Variants in ECI1 observed in about 807,000 individuals in gnomAD.
The protein encoded by ECI1 is enoyl-CoA delta isomerase 1, mitochondrial.
In ECI1, 34 loss-of-function variants were observed where a neutral mutation model predicts 34.2. The observed-to-expected ratio is 1.00, with a 90% CI of 0.76 to 1.33. ECI1 has a LOEUF of 1.33. ECI1 is among the 40% of genes most tolerant of loss of function. The probability of loss-of-function intolerance (pLI) is 0.00; values close to 1 mark genes in which losing one functional copy is unlikely to be tolerated. For missense variants in ECI1, 456 were observed against 422.2 expected (o/e 1.08, Z -0.70); for synonymous variants, 211 against 193.0 (o/e 1.09, Z -0.77).
intron 6 of ECI1, among the ~76,000 whole-genome samples, chr16:2,242,104 C>T (rs187592754): frequency 4.6e-5 from 7 of 152,226 alleles, no homozygotes; most frequent in African/African-American, 7.2e-5. Context: ...GTGATCCGCC[C>T]GCCTCGGCCT....
chr16:2,240,581 T>C (rs115181768), intron 6 of ECI1: 2,595 of 219,234 alleles, frequency 0.012, 67 homozygotes, highest in African/African-American at 0.055. Flanking sequence ...TGGAGTGCAC[T>C]AGTGATCACG....
At chr16:2,247,992 GC>G (rs2093544189) in intron 2 of ECI1, among the ~76,000 whole-genome samples, 1 of 152,084 alleles carries the variant, frequency 6.6e-6, no homozygotes, top group Admixed American at 6.6e-5. Flanking sequence ...ACAGGAGTGA[GC>G]CCTTGGTTTT....
At chr16:2,246,017 A>G (rs1339187169) in intron 3 of ECI1, among the ~76,000 whole-genome samples, 2 of 152,166 alleles carry the variant, frequency 1.3e-5, no homozygotes, top group African/African-American at 2.4e-5. Flanking sequence ...CGAGGTGGGC[A>G]GATCACTTGA....
chr16:2,251,079 T>TA (rs879806500), intron 2 of ECI1, among the ~76,000 whole-genome samples: 31 of 152,334 alleles, frequency 2.0e-4, no homozygotes, highest in Non-Finnish European at 3.8e-4. Flanking sequence ...CTCTGCCTCT[T>TA]AAAGTGCTAG....
chr16:2,243,673 T>A (rs2093533647), intron 4 of ECI1, among the ~76,000 whole-genome samples: 1 of 152,198 alleles, frequency 6.6e-6, no homozygotes, highest in East Asian at 1.9e-4. Context: ...CCGAGGGTCA[T>A]TAGTTCTTCG....
At position 2,251,299 on chromosome 16, in the gene ECI1, C is replaced by T; in HGVS notation, c.166+17G>A. The stretch of plus-strand genomic sequence containing the variant: ...TCCTGACCCCACGCCCGCCCTCCCT[C>T]GGCGCCGCCCGCTCACCTGCGCCCG... On this transcript the variant is annotated intron_variant, in intron 2 of 6. Transcript: ENST00000301729. 1 of 1,165,876 alleles carries T rather than the reference C, an allele frequency of 8.6e-7. No individual in the cohort carries two copies. The highest frequency in any genetic ancestry group is 1.1e-6 in the Non-Finnish European group (1 of 938,546). The allele number at this position is 1,165,876 out of a possible 1,614,324, so 72.2% of individuals were successfully genotyped here. A position where few individuals can be genotyped will look rare whatever the true frequency, so the allele number is the denominator to read the frequency against.
intron 2 of ECI1, among the ~76,000 whole-genome samples, chr16:2,250,709 T>C (rs2093551324): frequency 6.6e-6 from 1 of 152,264 alleles, no homozygotes; most frequent in Non-Finnish European, 1.5e-5. Context: ...TACGAGGTTC[T>C]GTGCCACATG....
intron 6 of ECI1, chr16:2,240,465 C>T (rs2093525534): frequency 9.2e-6 from 3 of 327,776 alleles, no homozygotes; most frequent in South Asian, 8.8e-5. Flanking sequence ...CCCATCTCGG[C>T]CTCCCCAAGT....
rs533971343 is a variant in ECI1, at chr16:2,244,484, G to A, written c.363C>T (p.Tyr121=). Residue 121 remains tyrosine, a synonymous_variant, in exon 4 of 7, where the codon TAC becomes TAT. Coordinates refer to ENST00000301729, the MANE Select transcript of ECI1 (RefSeq NM_001919.4). ...TEMCGRSPAH[Y]AGYWKAVQEL... is the part of the protein sequence containing the mutation. ...CCTGAACGGCCTTCCAGTACCCAGC[G>A]TAGTGGGCGGGGCTCCTCCCACACA... 6.6e-5 allele frequency: 106 copies of A among 1,609,586 alleles called. No individual in the cohort carries two copies. Among genetic ancestry groups the A allele is most frequent in the Admixed American group, 6.6e-4 (39 of 59,504 alleles).
intron 6 of ECI1, 157 bp downstream of exon 6, chr16:2,242,889 C>G: frequency 1.5e-6 from 1 of 668,526 alleles, no homozygotes; most frequent in Non-Finnish European, 2.7e-6. Flanking sequence ...TCTGGGCCAC[C>G]CGGTCTGTGC....
intron 4 of ECI1, chr16:2,244,104 T>C (rs946459963): frequency 4.2e-6 from 2 of 473,834 alleles, no homozygotes; most frequent in Admixed American, 6.8e-5. Context: ...AAAATGTGGG[T>C]CCGATCACCC....
chr16:2,240,020 G>A lies in ECI1; in HGVS notation c.868C>T (p.Leu290=). 1 of 1,613,972 alleles carries A rather than the reference G, an allele frequency of 6.2e-7. No individual in the cohort carries two copies. The highest frequency in any genetic ancestry group is 2.2e-5 in the East Asian group (1 of 44,880). The change falls in exon 7 of 7, where the codon CTG becomes TTG. Residue 290 remains leucine (L), a synonymous_variant. Transcript: ENST00000301729. ...TTGAGCCTCTCTAAGTACATCTGCA[G>A]GGACTTCTGGATGGAGTCTTTGGAG... The part of the protein sequence containing the change: ...FISKDSIQKS[L]QMYLERLKEE...
rs375002100 is a variant in ECI1 at position 2,240,263 on chromosome 16, G to A, written c.743-118C>T. The A allele has an allele frequency of 3.3e-5, 37 of 1,134,030 alleles. No homozygotes were observed. The East Asian group carries it at 4.4e-4, about 14-fold the overall frequency. The allele number at this position is 1,134,030 out of a possible 1,614,324, so 70.2% of individuals were successfully genotyped here. On this transcript the variant is annotated intron_variant, in intron 6 of 6. Coordinates refer to ENST00000301729, the MANE Select transcript of ECI1 (RefSeq NM_001919.4). The stretch of plus-strand genomic sequence containing the variant: ...GTCTTGCTCTGTCGCCCAGGCTGGA[G>A]TGCAATGGTGGGATCTTGGCTCACT...
intron 2 of ECI1, among the ~76,000 whole-genome samples, chr16:2,250,261 CAAAAAAAAAA>C (rs560687371): frequency 1.5e-5 from 1 of 67,632 alleles, no homozygotes; most frequent in Non-Finnish European, 2.7e-5. Context: ...ACTACATCTC[CAAAAAAAAAA>C]AAAAAAAAAA....
At position 2,243,436 on chromosome 16, in the gene ECI1, C is replaced by A; in HGVS notation, c.445G>T (p.Ala149Ser). The A allele has an allele frequency of 6.2e-7, 1 of 1,612,808 alleles. No homozygotes were observed. Among genetic ancestry groups the A allele is most frequent in the South Asian group, 1.1e-5 (1 of 91,060 alleles). ...NLVLVSAING[A>S]CPAGGCLVAL... is the part of the protein sequence containing the mutation. ...ACCAGGCAGCCTCCAGCGGGGCAGG[C>A]TCCCTGCAGGGAGAGGCCGGACAGG... The change falls in exon 5 of 7, where the codon GCC (alanine) becomes TCC (serine). Residue 149 changes from alanine (A) to serine (S), a missense_variant. Coordinates refer to ENST00000301729, the MANE Select transcript of ECI1 (RefSeq NM_001919.4).
chr16:2,246,816 G>A (rs1286158518), intron 3 of ECI1, 43 bp downstream of exon 3: 3 of 1,610,888 alleles, frequency 1.9e-6, no homozygotes, highest in Non-Finnish European at 2.5e-6. Flanking sequence ...GAGAACTCAG[G>A]CCAAGAACTC....
At position 2,243,203 on chromosome 16, in the gene ECI1, G is replaced by T. The variant is rs1376218883; in HGVS notation, c.585C>A (p.Asn195Lys). The stretch of plus-strand genomic sequence containing the variant: ...GCTCCGCCGCCCGGTGCCCGATGGT[G>T]TTCTCCAGGGTGTCTTTCAACCTGG... ...APFWLKDTLENTIGHRAAERA... is the reference protein window; with the variant it reads ...APFWLKDTLEKTIGHRAAERA... The change falls in exon 6 of 7, where the codon AAC becomes AAA. Residue 195 changes from asparagine to lysine, a missense_variant. By Grantham distance (94) the Asn-to-Lys change is moderately conservative (BLOSUM62 0). Transcript: ENST00000301729. The T allele has an allele frequency of 1.2e-6, 2 of 1,611,466 alleles. No homozygotes were observed. The highest frequency in any genetic ancestry group is 1.7e-6 in the Non-Finnish European group (2 of 1,179,972).
At position 2,239,594 on chromosome 16, in the gene ECI1, G is replaced by T. The variant is rs1015684232; in HGVS notation, c.*385C>A. The T allele has an allele frequency of 2.6e-5, 9 of 344,126 alleles. No homozygotes were observed. The highest frequency in any genetic ancestry group is 4.0e-5 in the Admixed American group (1 of 24,814). 21.3% of individuals were successfully genotyped at this position (344,126 alleles called of 1,614,324 possible). A position where few individuals can be genotyped will look rare whatever the true frequency, so the allele number is the denominator to read the frequency against. Reference sequence around the variant, plus strand: ...CCCTGGGGAGTTCTGTGTGGGTCATGGGGGCCAAGACCACCTGGCCTTACA... The same window carrying T: ...CCCTGGGGAGTTCTGTGTGGGTCATTGGGGCCAAGACCACCTGGCCTTACA... On this transcript the variant is annotated 3_prime_UTR_variant, in exon 7 of 7. Coordinates refer to ENST00000301729, the MANE Select transcript of ECI1 (RefSeq NM_001919.4).
At chr16:2,240,912 C>G (rs527868100) in intron 6 of ECI1, 1 of 152,230 alleles carries the variant, frequency 6.6e-6, no homozygotes, top group South Asian at 2.1e-4. Context: ...TCAGGCTGAT[C>G]TCGAACTCCT....
Sources: allele counts gnomAD v4.1 joint callset (sites outside exome capture counted in the v4.1 genomes callset), GRCh38; gene constraint gnomAD v4.1.1; transcripts MANE v1.5; gene names NCBI Gene and HGNC (gene_info 2026-07-23, HGNC 2026-07-21).